Variants in TICAM2 observed in about 807,000 individuals in gnomAD.
TICAM2 encodes the protein TIR domain-containing adapter molecule 2.
In TICAM2, 8 loss-of-function variants were observed where a neutral mutation model predicts 7.3. The observed-to-expected ratio is 1.10, with a 90% confidence interval of 0.65 to 1.99. The LOEUF (loss-of-function observed/expected upper bound fraction) is 1.99, where lower values mean the gene tolerates loss of function less well. Among genes scored for constraint, TICAM2 ranks in the 30% most tolerant of loss-of-function variants. TICAM2 has a pLI of 0.00. For missense variants in TICAM2, 304 were observed against 278.8 expected (o/e 1.09, Z -0.65); for synonymous variants, 113 against 99.6 (o/e 1.13, Z -0.80).
intron 1 of TICAM2, among the ~76,000 whole-genome samples, chr5:115,589,060 T>A (rs2127198077): frequency 6.6e-6 from 1 of 152,360 alleles, no homozygotes; most frequent in South Asian, 2.1e-4. Context: ...TGATACAACA[T>A]CCAAAACAAA....
intron 1 of TICAM2, among the ~76,000 whole-genome samples, chr5:115,582,261 A>G (rs941780428): frequency 2.0e-5 from 3 of 151,298 alleles, no homozygotes; most frequent in African/African-American, 4.9e-5. Context: ...GGCTCAAGCC[A>G]TACTCCCACC....
chr5:115,592,814 A>C (rs1171675402), intron 1 of TICAM2, among the ~76,000 whole-genome samples: 1 of 152,200 alleles, frequency 6.6e-6, no homozygotes, highest in African/African-American at 2.4e-5. Context: ...AGTTGGGTTT[A>C]TTTTAGGAAT....
chr5:115,596,229 T>C (rs1317404043), intron 1 of TICAM2, among the ~76,000 whole-genome samples: 1 of 152,218 alleles, frequency 6.6e-6, no homozygotes. Context: ...ATCCTGGTCT[T>C]CTGCACTGCC....
At position 115,579,465 on chromosome 5, in the gene TICAM2, C is replaced by A. The variant is rs1754838021; in HGVS notation, c.*1084G>T. 1 of 152,354 alleles carries A rather than the reference C, an allele frequency of 6.6e-6. No homozygotes were observed. The highest frequency in any genetic ancestry group is 1.9e-4 in the East Asian group (1 of 5,190). 9.4% of individuals were successfully genotyped at this position (152,354 alleles called of 1,614,324 possible). ...TTCTCATTACATGACATGACCCATT[C>A]TCCACCCCATCCCTGATCTCAAGTG... On this transcript the variant is annotated 3_prime_UTR_variant, in exon 2 of 2. Coordinates refer to ENST00000427199, the MANE Select transcript of TICAM2 (RefSeq NM_021649.7).
intron 1 of TICAM2, chr5:115,581,884 T>C (rs974978568): frequency 6.5e-6 from 1 of 152,774 alleles, no homozygotes; most frequent in South Asian, 2.1e-4. Context: ...TCGGAGCTTT[T>C]TTTTGTTTGT....
At chr5:115,596,802 C>T (rs189874214) in intron 1 of TICAM2, among the ~76,000 whole-genome samples, 15 of 152,190 alleles carry the variant, frequency 9.9e-5, no homozygotes, top group African/African-American at 3.6e-4. Context: ...GCCTGTAGTC[C>T]CAGCTACTCG....
In TICAM2 at chr5:115,591,611, G is replaced by A. The variant is rs1349356049; in HGVS notation, c.-59-10296C>T. 2.0e-5 allele frequency among the ~76,000 whole-genome samples: 3 copies of A among 151,896 alleles called. No individual in the cohort carries two copies. In the East Asian group the frequency reaches 5.8e-4, roughly 29 times the overall value. ...GCAGGTAAGAAAAAAATCTAAAATT[G>A]AAAAATATAATAGTTGAAATTAAGA... On this transcript the variant is annotated intron_variant, in intron 1 of 1. Coordinates refer to ENST00000427199, the MANE Select transcript of TICAM2 (RefSeq NM_021649.7).
chr5:115,588,881 A>G (rs1181531555), intron 1 of TICAM2, among the ~76,000 whole-genome samples: 1 of 152,220 alleles, frequency 6.6e-6, no homozygotes, highest in African/African-American at 2.4e-5. Flanking sequence ...GCCCCAGGCC[A>G]GTAGACAAGT....
chr5:115,593,142 C>G (rs1013700207), intron 1 of TICAM2, among the ~76,000 whole-genome samples: 1 of 151,942 alleles, frequency 6.6e-6, no homozygotes, highest in African/African-American at 2.4e-5. Context: ...GATTCTATCT[C>G]AAAAATTTAA....
intron 1 of TICAM2, among the ~76,000 whole-genome samples, chr5:115,597,167 C>T (rs1755541653): frequency 6.6e-6 from 1 of 152,202 alleles, no homozygotes; most frequent in Admixed American, 6.5e-5. Context: ...TACTATGGCA[C>T]ACATATTCCC....
chr5:115,593,852 A>C (rs1310985625), intron 1 of TICAM2, among the ~76,000 whole-genome samples: 2 of 152,220 alleles, frequency 1.3e-5, no homozygotes, highest in Admixed American at 1.3e-4. Context: ...AGGAGCTCTG[A>C]AACAGATCCA....
At chr5:115,598,766 TTTC>T (rs1424080383) in intron 1 of TICAM2, among the ~76,000 whole-genome samples, 1 of 152,174 alleles carries the variant, frequency 6.6e-6, no homozygotes, top group African/African-American at 2.4e-5. Flanking sequence ...AAGAAGGAAT[TTTC>T]TTCTTTTCTT....
At position 115,601,679 on chromosome 5, in the gene TICAM2, A is replaced by G. The variant is rs144236978; in HGVS notation, c.-60+418T>C. 6.0e-3 allele frequency among the ~76,000 whole-genome samples: 909 copies of G among 152,314 alleles called. 2 individuals carry two copies. The highest frequency in any genetic ancestry group is 9.0e-3 in the Non-Finnish European group (610 of 68,016). ...AAAACTAGCTCACAGCTGCCAGTCAAATTATTTTTATCCAAATTAGCTTTG... is the reference window on the plus strand; with the variant it reads ...AAAACTAGCTCACAGCTGCCAGTCAGATTATTTTTATCCAAATTAGCTTTG... On this transcript the variant is annotated intron_variant, in intron 1 of 1. Transcript: ENST00000427199.
chr5:115,598,653 A>G (rs12109315), intron 1 of TICAM2, among the ~76,000 whole-genome samples: 1,911 of 151,450 alleles, frequency 0.013, 37 homozygotes, highest in African/African-American at 0.044. Flanking sequence ...TAACCCCCCT[A>G]CTCTTCTCTC....
At chr5:115,582,378 G>A (rs1580404764) in intron 1 of TICAM2, among the ~76,000 whole-genome samples, 1 of 117,222 alleles carries the variant, frequency 8.5e-6, no homozygotes, top group South Asian at 2.7e-4. Flanking sequence ...TTCATATGTT[G>A]CCCAGGCTGG....
chr5:115,581,947 AAG>A (rs1754940206), intron 1 of TICAM2: 1 of 152,202 alleles, frequency 6.6e-6, no homozygotes, highest in Non-Finnish European at 1.5e-5. Flanking sequence ...AAATTATAAT[AAG>A]AGTGTGTGAA....
intron 1 of TICAM2, among the ~76,000 whole-genome samples, chr5:115,598,690 AT>A (rs1755603621): frequency 6.6e-6 from 1 of 152,132 alleles, no homozygotes; most frequent in Non-Finnish European, 1.5e-5. Context: ...TCTACTTATT[AT>A]TTAATTTAAT....
At chr5:115,586,571 C>T (rs1165637795) in intron 1 of TICAM2, among the ~76,000 whole-genome samples, 4 of 152,082 alleles carry the variant, frequency 2.6e-5, no homozygotes, top group Non-Finnish European at 5.9e-5. Flanking sequence ...AGTGCTTAAC[C>T]GACTTCAAAT....
chr5:115,585,493 T>G (rs1755070817), intron 1 of TICAM2, among the ~76,000 whole-genome samples: 1 of 152,222 alleles, frequency 6.6e-6, no homozygotes. Context: ...ATGGTTTACA[T>G]TCTGGTGCAT....
Sources: allele counts gnomAD v4.1 joint callset (sites outside exome capture counted in the v4.1 genomes callset), GRCh38; gene constraint gnomAD v4.1.1; transcripts MANE v1.5; gene names NCBI Gene and HGNC (gene_info 2026-07-23, HGNC 2026-07-21).